MON2: variants seen among roughly 807,000 people sequenced by gnomAD.
MON2 encodes the protein MON2 regulator of endosome-to-Golgi trafficking, also known as protein MON2 homolog.
MON2 carries 84 observed loss-of-function variants against 208.6 expected under a neutral mutation model. That is an observed-to-expected ratio of 0.40 (90% CI 0.34 to 0.48). The LOEUF is 0.48. MON2 is among the 20% of genes least tolerant of loss of function. MON2 has a pLI of 0.59. For synonymous variants in MON2, 660 were observed against 694.0 expected (o/e 0.95, Z 0.77); for missense variants, 1,611 against 2,015.4 (o/e 0.80, Z 3.84).
At chr12:62,558,107 A>G (rs1167870378) in intron 25 of MON2, among the ~76,000 whole-genome samples, 1 of 148,576 alleles carries the variant, frequency 6.7e-6, no homozygotes, top group Non-Finnish European at 1.5e-5. Flanking sequence ...CCTGAGTAGC[A>G]GGGATTACAG....
chr12:62,474,352 A>T (rs1179564098), intron 1 of MON2, among the ~76,000 whole-genome samples: 1 of 152,056 alleles, frequency 6.6e-6, no homozygotes, highest in Non-Finnish European at 1.5e-5. Flanking sequence ...TCCTGACCTC[A>T]GGTGATCCGC....
rs77698708 is a variant in MON2, at chr12:62,577,672, T to C, written c.4515-773T>C. On this transcript the variant is annotated intron_variant, in intron 30 of 34. Coordinates refer to ENST00000393630, the MANE Select transcript of MON2 (RefSeq NM_015026.3). ...TCTAAGTTTCAGTTCCCTCTTCTCT[T>C]GATTATATAATAATTACTACATGGA... Among the ~76,000 whole-genome samples the C allele has an allele frequency of 6.5e-3, 987 of 152,182 alleles. 9 individuals are homozygous for C. Among genetic ancestry groups the C allele is most frequent in the African/African-American group, 0.022 (898 of 41,550 alleles).
chr12:62,588,596 T>C (rs2075295438), intron 34 of MON2, among the ~76,000 whole-genome samples: 1 of 152,214 alleles, frequency 6.6e-6, no homozygotes, highest in Non-Finnish European at 1.5e-5. Context: ...TGTTCATTCC[T>C]GTCCAGTCCA....
At chr12:62,502,780 T>G (rs1487486851) in intron 7 of MON2, among the ~76,000 whole-genome samples, 9 of 152,112 alleles carry the variant, frequency 5.9e-5, no homozygotes, top group Admixed American at 2.0e-4. Flanking sequence ...TAATTTAGGT[T>G]TTTTAACTAC....
chr12:62,585,187 T>C (rs2075182580), intron 32 of MON2, 107 bp from the exon 33 acceptor site: 2 of 838,444 alleles, frequency 2.4e-6, no homozygotes, highest in African/African-American at 1.7e-5. Flanking sequence ...TAGGTGCCTT[T>C]CACCAGATTG....
intron 29 of MON2, among the ~76,000 whole-genome samples, chr12:62,570,826 G>A (rs1165870180): frequency 9.4e-5 from 13 of 138,476 alleles, no homozygotes; most frequent in African/African-American, 1.4e-4. Context: ...TCTGCCTCCC[G>A]GGTTCAAGCG....
chr12:62,536,006 A>T (rs2072950257), intron 14 of MON2, among the ~76,000 whole-genome samples: 1 of 152,194 alleles, frequency 6.6e-6, no homozygotes, highest in Non-Finnish European at 1.5e-5. Context: ...TATAATGCAA[A>T]CATAAGTATT....
chr12:62,569,055 T>A (rs768543892), intron 29 of MON2, among the ~76,000 whole-genome samples: 1 of 152,210 alleles, frequency 6.6e-6, no homozygotes, highest in Non-Finnish European at 1.5e-5. Context: ...GACAAGGCTC[T>A]TTCTCCAAAA....
chr12:62,500,244 C>A (rs923355717), intron 5 of MON2, among the ~76,000 whole-genome samples: 1 of 152,096 alleles, frequency 6.6e-6, no homozygotes, highest in Non-Finnish European at 1.5e-5. Flanking sequence ...TCAAAACAGG[C>A]TGTCATAACT....
Position 62,493,997 on chromosome 12 carries a change from T to C in MON2, c.258T>C (p.Cys86=). 1 of 1,613,254 alleles carries C rather than the reference T, an allele frequency of 6.2e-7. No individual in the cohort carries two copies. Among genetic ancestry groups the C allele is most frequent in the East Asian group, 2.2e-5 (1 of 44,814 alleles). ...AGGAACCGAAGATCACTCAGCTATG[T>C]TTGGCTGCTATTCAGAGACTCATGT... ...GTKEPKITQL[C]LAAIQRLMSH... The change falls in exon 3 of 35, where the codon TGT becomes TGC. Residue 86 remains cysteine, a synonymous_variant. Coordinates refer to ENST00000393630, the MANE Select transcript of MON2 (RefSeq NM_015026.3).
chr12:62,545,043 A>G (rs781477316), intron 21 of MON2, 35 bp downstream of exon 21: 2 of 1,355,986 alleles, frequency 1.5e-6, no homozygotes, highest in East Asian at 4.7e-5. Flanking sequence ...AAGAATACTC[A>G]ATATAAAATT....
intron 4 of MON2, among the ~76,000 whole-genome samples, chr12:62,496,276 A>G (rs373424968): frequency 1.3e-5 from 2 of 152,192 alleles, no homozygotes; most frequent in South Asian, 2.1e-4. Context: ...GTTCTGATGC[A>G]TATATTTAAA....
chr12:62,579,498 C>T, intron 31 of MON2, among the ~76,000 whole-genome samples: 1 of 150,294 alleles, frequency 6.7e-6, no homozygotes, highest in East Asian at 2.0e-4. Context: ...TGGAGGCAGG[C>T]AGACCATGAG....
intron 7 of MON2, among the ~76,000 whole-genome samples, chr12:62,504,976 A>G (rs1592897836): frequency 6.6e-6 from 1 of 152,222 alleles, no homozygotes; most frequent in East Asian, 1.9e-4. Flanking sequence ...GTTAGGAGAT[A>G]TAGAGAGAAC....
At chr12:62,507,162 G>T (rs2071146689) in intron 7 of MON2, among the ~76,000 whole-genome samples, 1 of 151,866 alleles carries the variant, frequency 6.6e-6, no homozygotes, top group Non-Finnish European at 1.5e-5. Flanking sequence ...TAAATCTTCT[G>T]CATGAATGGA....
chr12:62,553,433 C>CT, intron 24 of MON2: 1 of 319,240 alleles, frequency 3.1e-6, no homozygotes, highest in Admixed American at 4.6e-5. Flanking sequence ...TTTCTGTCTC[C>CT]TTTTTTTCCC....
chr12:62,588,124 T>C lies in MON2; in HGVS notation c.4958T>C (p.Ile1653Thr). The C allele has an allele frequency of 6.3e-7, 1 of 1,583,266 alleles. No homozygotes were observed. The highest frequency in any genetic ancestry group is 8.7e-7 in the Non-Finnish European group (1 of 1,155,782). Reference sequence around the variant, plus strand: ...GTTTTAAAAGCAGTCAGTACTCTTATTGATTCACTTAAGAAAACTCAGCCT... The same window carrying C: ...GTTTTAAAAGCAGTCAGTACTCTTACTGATTCACTTAAGAAAACTCAGCCT... ...IFVLKAVSTL[I>T]DSLKKTQPEN... Residue 1653 changes from isoleucine to threonine, a missense_variant, in exon 34 of 35, where the codon ATT becomes ACT. Ile to Thr is a moderately conservative substitution (Grantham distance 89). Transcript: ENST00000393630.
Position 62,587,787 on chromosome 12 carries a change from T to C in MON2, c.4908-287T>C, listed in dbSNP as rs1390989557. The C allele has an allele frequency of 3.3e-5, 8 of 240,654 alleles. No homozygotes were observed. The East Asian group carries it at 9.0e-4, about 27-fold the overall frequency. 14.9% of individuals were successfully genotyped at this position (240,654 alleles called of 1,614,324 possible). Reference sequence around the variant, plus strand: ...AACGTTTTAATTTTAAGTAGTTATGTGAAATATCTTACAAATAAATTTAAT... The same window carrying C: ...AACGTTTTAATTTTAAGTAGTTATGCGAAATATCTTACAAATAAATTTAAT... On this transcript the variant is annotated intron_variant, in intron 33 of 34. Transcript: ENST00000393630.
chr12:62,590,830 G>A (rs1405114733), intron 34 of MON2, among the ~76,000 whole-genome samples: 1 of 152,086 alleles, frequency 6.6e-6, no homozygotes, highest in Non-Finnish European at 1.5e-5. Flanking sequence ...ACCACGTCTG[G>A]CTAATTTTTG....
Sources: allele counts gnomAD v4.1 joint callset (sites outside exome capture counted in the v4.1 genomes callset), GRCh38; gene constraint gnomAD v4.1.1; transcripts MANE v1.5; gene names NCBI Gene and HGNC (gene_info 2026-07-23, HGNC 2026-07-21).